Variants in NKAIN2 observed in about 807,000 individuals in gnomAD.
The protein encoded by NKAIN2 is sodium/potassium-transporting ATPase subunit beta-1-interacting protein 2.
NKAIN2 carries 14 observed loss-of-function variants against 32.6 expected under a neutral mutation model. The ratio of observed to expected loss-of-function variants is 0.43; its 90% CI spans 0.28 to 0.67. The LOEUF (loss-of-function observed/expected upper bound fraction) is 0.67, where lower values mean the gene tolerates loss of function less well. Ranked by LOEUF, NKAIN2 falls within the 30% of genes least tolerant of loss-of-function variation. The pLI, the probability that NKAIN2 is intolerant of heterozygous loss-of-function variation, is 0.17. For missense variants in NKAIN2, 198 were observed against 258.3 expected (o/e 0.77, Z 1.60); for synonymous variants, 80 against 87.2 (o/e 0.92, Z 0.46).
intron 5 of NKAIN2, among the ~76,000 whole-genome samples, chr6:124,816,344 T>C (rs909435642): frequency 2.0e-5 from 3 of 152,152 alleles, no homozygotes; most frequent in Admixed American, 6.6e-5. Context: ...TACGGTACTC[T>C]AATGGTAGAT....
chr6:124,698,063 T>C (rs571246626), intron 4 of NKAIN2, among the ~76,000 whole-genome samples: 14 of 152,188 alleles, frequency 9.2e-5, no homozygotes, highest in Non-Finnish European at 1.8e-4. Flanking sequence ...GGCATAATTG[T>C]AGTCTTACTT....
intron 1 of NKAIN2, among the ~76,000 whole-genome samples, chr6:123,914,145 G>T (rs1044773365): frequency 4.3e-4 from 65 of 152,070 alleles, no homozygotes; most frequent in African/African-American, 1.6e-3. Flanking sequence ...TCTGGTGAGG[G>T]CCCTCTTTCT....
At chr6:124,178,201 G>A (rs1789255959) in intron 1 of NKAIN2, among the ~76,000 whole-genome samples, 1 of 152,068 alleles carries the variant, frequency 6.6e-6, no homozygotes, top group Admixed American at 6.6e-5. Context: ...ACACTTTCCA[G>A]CCTCCAGAAC....
At chr6:124,425,133 T>C in intron 3 of NKAIN2, among the ~76,000 whole-genome samples, 1 of 152,112 alleles carries the variant, frequency 6.6e-6, no homozygotes. Flanking sequence ...GCCACATATT[T>C]CAAGGGAGAA....
chr6:124,715,454 C>G (rs909596596), intron 4 of NKAIN2, among the ~76,000 whole-genome samples: 1 of 152,166 alleles, frequency 6.6e-6, no homozygotes, highest in African/African-American at 2.4e-5. Flanking sequence ...GCCTTGAGCT[C>G]TGCTCCGTGA....
intron 1 of NKAIN2, among the ~76,000 whole-genome samples, chr6:124,022,092 T>A (rs1780893754): frequency 7.1e-6 from 1 of 141,346 alleles, no homozygotes; most frequent in East Asian, 2.4e-4. Flanking sequence ...CCCCATCCTG[T>A]GTCCAAGTGT....
At chr6:124,647,842 TA>T (rs1222528834) in intron 3 of NKAIN2, among the ~76,000 whole-genome samples, 1 of 152,096 alleles carries the variant, frequency 6.6e-6, no homozygotes, top group African/African-American at 2.4e-5. Context: ...TCAATTAATA[TA>T]AAAATGTAAT....
intron 3 of NKAIN2, among the ~76,000 whole-genome samples, chr6:124,452,196 A>G (rs942301898): frequency 2.4e-3 from 35 of 14,472 alleles, no homozygotes; most frequent in African/African-American, 2.8e-3. Context: ...CATCATCTCG[A>G]AAAAAAAAAA....
At chr6:124,389,787 G>C (rs1316542290) in intron 3 of NKAIN2, among the ~76,000 whole-genome samples, 1 of 150,968 alleles carries the variant, frequency 6.6e-6, no homozygotes, top group African/African-American at 2.4e-5. Context: ...GAAAATAAAA[G>C]ATAATTTATT....
intron 4 of NKAIN2, among the ~76,000 whole-genome samples, chr6:124,668,524 C>T (rs547360990): frequency 1.2e-4 from 19 of 152,212 alleles, no homozygotes; most frequent in African/African-American, 4.6e-4. Context: ...TTGATTTCTT[C>T]ATCAGAGAAT....
At chr6:124,767,658 G>A (rs1469527874) in intron 4 of NKAIN2, among the ~76,000 whole-genome samples, 1 of 152,122 alleles carries the variant, frequency 6.6e-6, no homozygotes, top group East Asian at 1.9e-4. Context: ...AAGGATTTGA[G>A]AAAATTTTAT....
chr6:124,687,135 A>AATATATAT (rs142235428), intron 4 of NKAIN2, among the ~76,000 whole-genome samples: 8 of 147,430 alleles, frequency 5.4e-5, no homozygotes, highest in Admixed American at 2.1e-4. Flanking sequence ...AGCTCCCTTA[A>AATATATAT]ATATATATAT....
chr6:124,813,431 A>T (rs1781005924), intron 5 of NKAIN2, among the ~76,000 whole-genome samples: 1 of 152,144 alleles, frequency 6.6e-6, no homozygotes, highest in Non-Finnish European at 1.5e-5. Context: ...CCAATAAGGA[A>T]CTCAAAGCAA....
At chr6:124,796,570 T>A (rs1582538470) in intron 5 of NKAIN2, among the ~76,000 whole-genome samples, 1 of 152,114 alleles carries the variant, frequency 6.6e-6, no homozygotes, top group East Asian at 1.9e-4. Flanking sequence ...TTCAGGGCTG[T>A]ATTGCTGCCA....
intron 3 of NKAIN2, among the ~76,000 whole-genome samples, chr6:124,589,071 T>C (rs1403337782): frequency 6.6e-6 from 1 of 152,210 alleles, no homozygotes; most frequent in African/African-American, 2.4e-5. Flanking sequence ...AAAGATTAGC[T>C]TATGAACCAG....
chr6:124,084,525 ATC>A (rs1159032679), intron 1 of NKAIN2, among the ~76,000 whole-genome samples: 1 of 152,004 alleles, frequency 6.6e-6, no homozygotes, highest in Non-Finnish European at 1.5e-5. Flanking sequence ...CTCAGATTGT[ATC>A]TCTGTTGTTT....
At chr6:124,445,501 A>G (rs1007612871) in intron 3 of NKAIN2, among the ~76,000 whole-genome samples, 2 of 152,110 alleles carry the variant, frequency 1.3e-5, no homozygotes, top group Non-Finnish European at 2.9e-5. Context: ...AGACAAAAAA[A>G]ATTCAAAATA....
At chr6:124,098,160 G>A (rs528517465) in intron 1 of NKAIN2, among the ~76,000 whole-genome samples, 1 of 152,092 alleles carries the variant, frequency 6.6e-6, no homozygotes, top group South Asian at 2.1e-4. Context: ...TAACTAAATG[G>A]TCTTTATTGT....
intron 1 of NKAIN2, among the ~76,000 whole-genome samples, chr6:123,821,994 G>A (rs1189761878): frequency 6.6e-6 from 1 of 152,064 alleles, no homozygotes; most frequent in Non-Finnish European, 1.5e-5. Context: ...CCTTTAGAGT[G>A]AGAAAATATG....
Sources: gnomAD v4.1 joint callset for allele counts (sites outside exome capture counted in the v4.1 genomes callset) on GRCh38, gnomAD v4.1.1 for gene constraint, MANE v1.5 for transcripts, NCBI Gene and HGNC (gene_info 2026-07-23, HGNC 2026-07-21) for gene names.